The following PDE12 variants were observed in gnomAD, a reference collection of about 807,000 sequenced individuals.
PDE12 encodes 2',5'-phosphodiesterase 12.
A neutral mutation model predicts 45.4 loss-of-function variants in PDE12; 26 were observed. The ratio of observed to expected loss-of-function variants is 0.57; its 90% CI spans 0.42 to 0.79. The LOEUF is 0.79. Among genes scored for constraint, PDE12 ranks in the 30% least tolerant of loss-of-function variants. The pLI, the probability that PDE12 is intolerant of heterozygous loss-of-function variation, is 0.00. For synonymous variants in PDE12, 283 were observed against 323.9 expected (o/e 0.87, Z 1.36); for missense variants, 668 against 790.0 (o/e 0.85, Z 1.85).
downstream of PDE12, among the ~76,000 whole-genome samples, chr3:57,567,339 C>T (rs2069795260): frequency 6.6e-6 from 1 of 151,844 alleles, no homozygotes; most frequent in South Asian, 2.1e-4. Flanking sequence ...GAAAATGTAT[C>T]ATTTGAACAA....
At chr3:57,601,190 G>T in the PDE12 span, among the ~76,000 whole-genome samples, 1 of 151,782 alleles carries the variant, frequency 6.6e-6, no homozygotes, top group Non-Finnish European at 1.5e-5. Flanking sequence ...GCTCACTGTA[G>T]CCTCTGCCTC....
At chr3:57,569,886 A>C (rs968212123), downstream of PDE12, among the ~76,000 whole-genome samples, 2 of 151,464 alleles carry the variant, frequency 1.3e-5, no homozygotes, top group Non-Finnish European at 2.9e-5. Flanking sequence ...GCTGCTTTAC[A>C]TCACGAGTAA....
In PDE12 at chr3:57,557,323, C is replaced by A. The variant is rs140360138; in HGVS notation, c.944C>A (p.Thr315Lys). 1.9e-6 allele frequency: 3 copies of A among 1,613,912 alleles called. No homozygotes were observed. The highest frequency in any genetic ancestry group is 2.5e-6 in the Non-Finnish European group (3 of 1,180,012). Residue 315 changes from threonine (T) to lysine (K), a missense_variant, in exon 1 of 3, where the codon ACG becomes AAG. By Grantham distance (78) the Thr-to-Lys change is moderately conservative. This residue lies in a region of PDE12 where 580 missense variants were observed against 662.9 expected (regional missense o/e 0.87). Transcript: ENST00000311180. Reference protein sequence around the residue: ...DTYAQTEFSRTVLYPYCAPYA... With the variant: ...DTYAQTEFSRKVLYPYCAPYA... ...TACGCGCAGACTGAGTTCTCGCGAACGGTTCTGTACCCATACTGTGCCCCC... is the reference window on the plus strand; with the variant it reads ...TACGCGCAGACTGAGTTCTCGCGAAAGGTTCTGTACCCATACTGTGCCCCC...
rs1383098881 is a variant in PDE12, at chr3:57,561,029, C to T, written c.*1025C>T. Reference sequence around the variant, plus strand: ...GTTTTTAGTGTATGGTACAAATGAACACAGTTTATATTCTAATTCTTACTG... The same window carrying T: ...GTTTTTAGTGTATGGTACAAATGAATACAGTTTATATTCTAATTCTTACTG... On this transcript the variant is annotated 3_prime_UTR_variant, in exon 3 of 3. Transcript: ENST00000311180. The T allele has an allele frequency of 5.1e-6, 5 of 975,302 alleles. No individual in the cohort carries two copies. Among genetic ancestry groups the T allele is most frequent in the East Asian group, 1.1e-4 (1 of 8,760 alleles). 60.4% of individuals were successfully genotyped at this position (975,302 alleles called of 1,614,324 possible).
Position 57,560,441 on chromosome 3 carries a change from T to C in PDE12, c.*437T>C. ...CCTGGGTTTAAGCGATTCTCCTGCC[T>C]CAGCTTCCCGAGTAGCTGGGATTAC... On this transcript the variant is annotated 3_prime_UTR_variant, in exon 3 of 3. Transcript: ENST00000311180. 2.1e-6 allele frequency: 1 copy of C among 469,956 alleles called. No individual in the cohort carries two copies. Among genetic ancestry groups the C allele is most frequent in the African/African-American group, 2.1e-5 (1 of 46,882 alleles). 29.1% of individuals were successfully genotyped at this position (469,956 alleles called of 1,614,324 possible).
chr3:57,558,316 C>T (rs1357846395), intron 1 of PDE12, among the ~76,000 whole-genome samples: 2 of 152,148 alleles, frequency 1.3e-5, no homozygotes, highest in African/African-American at 4.8e-5. Context: ...CAGTACGAAA[C>T]TGGCTAGAAA....
the PDE12 span, among the ~76,000 whole-genome samples, chr3:57,583,064 A>G: frequency 1.3e-5 from 2 of 152,164 alleles, no homozygotes; most frequent in Non-Finnish European, 1.5e-5. Context: ...ATGCATAGAG[A>G]GCCCTCCCCA....
chr3:57,596,971 CCCCA>C, the PDE12 span: 2 of 1,318,370 alleles, frequency 1.5e-6, no homozygotes, highest in Non-Finnish European at 2.1e-6. Flanking sequence ...GGCGCCCCTC[CCCCA>C]CCACAGCGGG....
the PDE12 span, among the ~76,000 whole-genome samples, chr3:57,639,107 C>A: frequency 4.6e-5 from 7 of 151,800 alleles, no homozygotes; most frequent in Non-Finnish European, 1.0e-4. Context: ...CACACACACA[C>A]AAAAAGACAA....
the PDE12 span, among the ~76,000 whole-genome samples, chr3:57,573,933 GT>G: frequency 1.4e-5 from 2 of 146,454 alleles, no homozygotes; most frequent in African/African-American, 5.0e-5. Context: ...GCAATAGGTT[GT>G]TTTTTTTTGT....
At chr3:57,630,714 C>T in the PDE12 span, 1 of 1,610,860 alleles carries the variant, frequency 6.2e-7, no homozygotes, top group Non-Finnish European at 8.5e-7. Flanking sequence ...AAAAGACTAA[C>T]CGGTAAAGTC....
At chr3:57,620,059 T>TA in the PDE12 span, among the ~76,000 whole-genome samples, 1 of 150,918 alleles carries the variant, frequency 6.6e-6, no homozygotes, top group African/African-American at 2.4e-5. Flanking sequence ...CCATTTCAAC[T>TA]GAAAATACAA....
At chr3:57,626,378 C>A in the PDE12 span, 1 of 152,180 alleles carries the variant, frequency 6.6e-6, no homozygotes, top group African/African-American at 2.4e-5. Flanking sequence ...CAAGACACAG[C>A]TATTAACCAC....
At chr3:57,629,102 G>C in the PDE12 span, among the ~76,000 whole-genome samples, 4 of 152,116 alleles carry the variant, frequency 2.6e-5, no homozygotes, top group African/African-American at 9.7e-5. Context: ...TCTCATATTT[G>C]GAAGTAAAAC....
chr3:57,603,294 A>G, the PDE12 span, among the ~76,000 whole-genome samples: 2 of 152,062 alleles, frequency 1.3e-5, 1 homozygote, highest in South Asian at 4.2e-4. Flanking sequence ...CCTTGCCCAA[A>G]TCTCCATCCT....
the PDE12 span, among the ~76,000 whole-genome samples, chr3:57,582,827 A>G: frequency 6.6e-6 from 1 of 152,246 alleles, no homozygotes; most frequent in South Asian, 2.1e-4. Flanking sequence ...GGACCAGGTT[A>G]AACAAAGGTA....
the PDE12 span, among the ~76,000 whole-genome samples, chr3:57,587,741 AC>A: frequency 6.6e-6 from 1 of 152,136 alleles, no homozygotes; most frequent in African/African-American, 2.4e-5. Context: ...TTTCTAGGTC[AC>A]CCCAGAATTC....
At chr3:57,655,608 C>T in the PDE12 span, among the ~76,000 whole-genome samples, 2 of 152,140 alleles carry the variant, frequency 1.3e-5, no homozygotes, top group Non-Finnish European at 2.9e-5. Context: ...TAGTTGCATG[C>T]ACAAAATCAT....
downstream of PDE12, among the ~76,000 whole-genome samples, chr3:57,568,460 A>G (rs1321892049): frequency 6.6e-6 from 1 of 152,294 alleles, no homozygotes; most frequent in Non-Finnish European, 1.5e-5. Flanking sequence ...GTCTCAAAAA[A>G]AAAAGTTTGA....
Sources: gnomAD v4.1 joint callset for allele counts (sites outside exome capture counted in the v4.1 genomes callset) on GRCh38, gnomAD v4.1.1 for gene constraint, gnomAD v4.1.1 regional missense constraint, MANE v1.5 for transcripts, NCBI Gene and HGNC (gene_info 2026-07-23, HGNC 2026-07-21) for gene names.